NEK1: variants seen among roughly 807,000 people sequenced by gnomAD.
The protein encoded by NEK1 is serine/threonine-protein kinase Nek1.
A neutral mutation model predicts 182.1 loss-of-function variants in NEK1; 137 were observed. The observed-to-expected ratio is 0.75, with a 90% CI of 0.65 to 0.87. The LOEUF (loss-of-function observed/expected upper bound fraction) is 0.87. Among genes scored for constraint, NEK1 ranks in the 40% least tolerant of loss-of-function variants. The pLI is 0.00. For missense variants in NEK1, 1,391 were observed against 1,494.4 expected (o/e 0.93, Z 1.14); for synonymous variants, 513 against 492.2 (o/e 1.04, Z -0.56).
At chr4:169,436,459 T>A (rs1051145273) in intron 28 of NEK1, among the ~76,000 whole-genome samples, 4 of 152,166 alleles carry the variant, frequency 2.6e-5, no homozygotes, top group African/African-American at 9.7e-5. Flanking sequence ...ATTTGGTAAC[T>A]GCAATAATGT....
At chr4:169,497,648 T>G (rs935672593) in intron 23 of NEK1, among the ~76,000 whole-genome samples, 2 of 152,244 alleles carry the variant, frequency 1.3e-5, no homozygotes, top group Non-Finnish European at 2.9e-5. Context: ...ATTTCTGCCT[T>G]CATTTCATTA....
At chr4:169,495,791 T>C (rs1207317890) in intron 23 of NEK1, among the ~76,000 whole-genome samples, 3 of 152,178 alleles carry the variant, frequency 2.0e-5, no homozygotes, top group Admixed American at 6.5e-5. Flanking sequence ...TACCATGCTG[T>C]TTTGGTTACT....
chr4:169,406,520 G>A, intron 32 of NEK1, 76 bp downstream of exon 32: 2 of 1,054,804 alleles, frequency 1.9e-6, no homozygotes, highest in South Asian at 2.0e-5. Context: ...AAAAGAGCTA[G>A]GTAAGTTATC....
At chr4:169,484,717 C>T (rs527845029) in intron 23 of NEK1, among the ~76,000 whole-genome samples, 23 of 152,278 alleles carry the variant, frequency 1.5e-4, no homozygotes, top group Non-Finnish European at 2.6e-4. Context: ...TCGGGAAGGC[C>T]ATAAAACACA....
Position 169,508,235 on chromosome 4 carries a change from C to T in NEK1, c.1833+13G>A. On this transcript the variant is annotated intron_variant, in intron 21 of 35. Transcript: ENST00000507142. ...TCATTCAATTTCTTCAAAAAAATAG[C>T]TTTTCAACCTACCTTTTCACCACGA... is the stretch of plus-strand genomic sequence containing the variant. 1 of 1,573,342 alleles carries T rather than the reference C, an allele frequency of 6.4e-7. No homozygotes were observed. The highest frequency in any genetic ancestry group is 1.4e-5 in the African/African-American group (1 of 73,672).
intron 35 of NEK1, among the ~76,000 whole-genome samples, chr4:169,395,501 A>C (rs1254102514): frequency 6.6e-6 from 1 of 152,122 alleles, no homozygotes; most frequent in Non-Finnish European, 1.5e-5. Flanking sequence ...TCAGAATCCA[A>C]CTTTGATGTC....
chr4:169,490,877 C>T (rs1179334439), intron 23 of NEK1, among the ~76,000 whole-genome samples: 1 of 152,112 alleles, frequency 6.6e-6, no homozygotes, highest in Non-Finnish European at 1.5e-5. Context: ...GGCATGGTGG[C>T]TCACGCCTGT....
At chr4:169,397,618 G>A (rs1333278902) in intron 35 of NEK1, among the ~76,000 whole-genome samples, 1 of 152,136 alleles carries the variant, frequency 6.6e-6, no homozygotes, top group Non-Finnish European at 1.5e-5. Flanking sequence ...TTATGATACA[G>A]AACTCTGGGG....
In NEK1 at chr4:169,612,439, T is replaced by A. The variant is rs1772472849; in HGVS notation, c.-390A>T. On this transcript the variant is annotated 5_prime_UTR_variant, in exon 1 of 36. Coordinates refer to ENST00000507142, the MANE Select transcript of NEK1 (RefSeq NM_001199397.3). ...ACGGCGGGGTGGGGACGGGCGGCGT[T>A]CGGGACTGGGAAGCTACTTGACTGC... 1 of 151,494 alleles carries A rather than the reference T, an allele frequency of 6.6e-6. No individual in the cohort carries two copies. The highest frequency in any genetic ancestry group is 2.4e-5 in the African/African-American group (1 of 41,024). The allele number at this position is 151,494 out of a possible 1,614,324, so 9.4% of individuals were successfully genotyped here.
chr4:169,534,043 TCATTAG>T (rs1475185157), intron 19 of NEK1, among the ~76,000 whole-genome samples: 2 of 152,228 alleles, frequency 1.3e-5, no homozygotes, highest in East Asian at 3.8e-4. Context: ...ATCACATGTC[TCATTAG>T]CAACAATGTA....
At chr4:169,538,355 A>G (rs1479336527) in intron 18 of NEK1, among the ~76,000 whole-genome samples, 1 of 152,178 alleles carries the variant, frequency 6.6e-6, no homozygotes, top group Non-Finnish European at 1.5e-5. Flanking sequence ...TTTAAGTATG[A>G]ATTTTCAAAA....
At position 169,400,348 on chromosome 4, in the gene NEK1, C is replaced by T. The variant is rs1223003806; in HGVS notation, c.3724G>A (p.Glu1242Lys). ...EVYEKIKAIH[E>K]DEDENIEICS... ...ATTTCAATATTTTCATCTTCATCTT[C>T]ATGAATAGCCTATACCAAATTCCCA... The change falls in exon 35 of 36, where the codon GAA becomes AAA. Residue 1242 changes from glutamate to lysine, a missense_variant. Glu to Lys is a moderately conservative substitution (Grantham distance 56). This residue lies in a region of NEK1 where 1,216 missense variants were observed against 1,277.6 expected (regional missense o/e 0.95). Transcript: ENST00000507142. 1 of 1,515,060 alleles carries T rather than the reference C, an allele frequency of 6.6e-7. No homozygotes were observed. The highest frequency in any genetic ancestry group is 1.4e-5 in the African/African-American group (1 of 72,120). 93.9% of individuals were successfully genotyped at this position (1,515,060 alleles called of 1,614,324 possible).
In NEK1 at chr4:169,438,207, T is replaced by C. The variant is rs770968444; in HGVS notation, c.2640A>G (p.Lys880=). ...KYKPLITGEK[K]VQCISHEINP... Reference sequence around the variant, plus strand: ...TTATTTCATGTGAAATACATTGTACTTTTTTTTCTCCAGTAATTAAGGGTT... The same window carrying C: ...TTATTTCATGTGAAATACATTGTACCTTTTTTTCTCCAGTAATTAAGGGTT... Residue 880 remains lysine (K), a synonymous_variant, in exon 28 of 36, where the codon AAA becomes AAG. Transcript: ENST00000507142. 6.3e-7 allele frequency: 1 copy of C among 1,575,586 alleles called. No individual in the cohort carries two copies. The highest frequency in any genetic ancestry group is 1.3e-5 in the African/African-American group (1 of 74,288).
chr4:169,578,698 T>A (rs1766108305), intron 11 of NEK1, among the ~76,000 whole-genome samples: 1 of 152,210 alleles, frequency 6.6e-6, no homozygotes, highest in Non-Finnish European at 1.5e-5. Context: ...AAAACATTTT[T>A]ATAATAAATA....
In NEK1 at chr4:169,392,922, A is replaced by G. The variant is rs763851348; in HGVS notation, c.*1588T>C. The stretch of plus-strand genomic sequence containing the variant: ...TTTTCCTCACTGGCATAATCTTTCC[A>G]TAACAACACTCCAGAGTCACACACT... On this transcript the variant is annotated 3_prime_UTR_variant, in exon 36 of 36. Coordinates refer to ENST00000507142, the MANE Select transcript of NEK1 (RefSeq NM_001199397.3). The G allele has an allele frequency of 6.6e-6, 1 of 152,220 alleles. No individual in the cohort carries two copies. Among genetic ancestry groups the G allele is most frequent in the East Asian group, 1.9e-4 (1 of 5,198 alleles). 9.4% of individuals were successfully genotyped at this position (152,220 alleles called of 1,614,324 possible).
At chr4:169,412,467 A>C (rs974899079) in intron 31 of NEK1, among the ~76,000 whole-genome samples, 1 of 152,234 alleles carries the variant, frequency 6.6e-6, no homozygotes, top group African/African-American at 2.4e-5. Context: ...TAACAGGACA[A>C]AGAAAAGGAA....
Position 169,602,696 on chromosome 4 carries a change from G to T in NEK1, c.-48-18C>A. 1.2e-6 allele frequency: 1 copy of T among 835,400 alleles called. No individual in the cohort carries two copies. The highest frequency in any genetic ancestry group is 2.0e-6 in the Non-Finnish European group (1 of 497,396). 51.7% of individuals were successfully genotyped at this position (835,400 alleles called of 1,614,324 possible). ...TTAAAAAACTAACAAAAAAGATAAA[G>T]CATTTATAACATGAGATAAAACATT... is the stretch of plus-strand genomic sequence containing the variant. On this transcript the variant is annotated intron_variant, in intron 2 of 35. Transcript: ENST00000507142.
chr4:169,430,372 A>G (rs1233642939), intron 29 of NEK1, among the ~76,000 whole-genome samples: 1 of 152,122 alleles, frequency 6.6e-6, no homozygotes, highest in Non-Finnish European at 1.5e-5. Context: ...TTTAGTAGGA[A>G]CAGGGTTTCG....
chr4:169,594,877 T>G (rs1769172850), intron 5 of NEK1, among the ~76,000 whole-genome samples: 1 of 152,212 alleles, frequency 6.6e-6, no homozygotes, highest in Non-Finnish European at 1.5e-5. Context: ...TGCTCTCCAT[T>G]TTTATCCTCA....
Sources: allele counts gnomAD v4.1 joint callset (sites outside exome capture counted in the v4.1 genomes callset), GRCh38; gene constraint gnomAD v4.1.1; regional missense constraint gnomAD v4.1.1; transcripts MANE v1.5; gene names NCBI Gene and HGNC (gene_info 2026-07-23, HGNC 2026-07-21).